ANO1: variants seen among roughly 807,000 people sequenced by gnomAD.
The protein encoded by ANO1 is anoctamin-1.
A neutral mutation model predicts 124.0 loss-of-function variants in ANO1; 59 were observed. The observed-to-expected ratio is 0.48, with a 90% CI of 0.39 to 0.59. The LOEUF is 0.59. ANO1 is among the 20% of genes least tolerant of loss of function. ANO1 has a pLI of 0.00. For synonymous variants in ANO1, 529 were observed against 532.0 expected (o/e 0.99, Z 0.08); for missense variants, 1,059 against 1,328.0 (o/e 0.80, Z 3.15).
intron 1 of ANO1, chr11:70,072,767 A>T (rs1035712687): frequency 2.6e-5 from 4 of 152,374 alleles, no homozygotes; most frequent in Non-Finnish European, 5.9e-5. Flanking sequence ...AGGTACAGGG[A>T]TGAGTCTGTG....
chr11:70,157,121 C>T (rs1341801506), intron 16 of ANO1, 100 bp downstream of exon 16: 3 of 1,087,774 alleles, frequency 2.8e-6, no homozygotes, highest in African/African-American at 3.1e-5. Context: ...AATCCCAGCA[C>T]TTTGGGAGGC....
At chr11:70,118,335 A>G (rs1385984511) in intron 8 of ANO1, among the ~76,000 whole-genome samples, 1 of 151,844 alleles carries the variant, frequency 6.6e-6, no homozygotes, top group Non-Finnish European at 1.5e-5. Flanking sequence ...ACTGGGCACT[A>G]CTCTGTGCCA....
intron 10 of ANO1, among the ~76,000 whole-genome samples, chr11:70,131,284 G>A (rs1046965738): frequency 8.6e-5 from 13 of 151,988 alleles, no homozygotes; most frequent in African/African-American, 3.1e-4. Context: ...GAAAATGCAG[G>A]TCTTTAGTTC....
At chr11:69,993,680 G>A (rs1443938393) in intron 1 of ANO1, among the ~76,000 whole-genome samples, 1 of 152,196 alleles carries the variant, frequency 6.6e-6, no homozygotes, top group Non-Finnish European at 1.5e-5. Context: ...ACCTGGTGCA[G>A]CTGGCGCCCC....
intron 2 of ANO1, among the ~76,000 whole-genome samples, chr11:70,099,785 C>T (rs2045185247): frequency 6.6e-6 from 1 of 152,190 alleles, no homozygotes; most frequent in African/African-American, 2.4e-5. Context: ...TTGTGATACC[C>T]AGTTTGCGAT....
upstream of ANO1, among the ~76,000 whole-genome samples, chr11:69,983,360 A>AT (rs1405966145): frequency 4.6e-5 from 7 of 151,912 alleles, no homozygotes. Flanking sequence ...AAGGGAAACC[A>AT]TTTTTCTGTA....
Position 70,038,562 on chromosome 11 carries a change from C to T in ANO1, c.59-39980C>T, listed in dbSNP as rs766616831. Reference sequence around the variant, plus strand: ...ATTTTGCGACACCGAGCACCCATTTCCAACAATTTGGTGGGCCATACAGGG... The same window carrying T: ...ATTTTGCGACACCGAGCACCCATTTTCAACAATTTGGTGGGCCATACAGGG... On this transcript the variant is annotated intron_variant, in intron 1 of 27. Transcript: ENST00000531349. Among the ~76,000 whole-genome samples, 6 of 152,244 alleles carry T rather than the reference C, an allele frequency of 3.9e-5. No homozygotes were observed. In the Middle Eastern group the frequency reaches 0.014, roughly 345 times the overall value.
intron 1 of ANO1, among the ~76,000 whole-genome samples, chr11:70,004,107 C>T (rs10899056): frequency 5.1e-4 from 78 of 151,994 alleles, no homozygotes; most frequent in South Asian, 1.2e-3. Context: ...GCTCCTTCAG[C>T]GGCCCCCAAA....
intron 1 of ANO1, among the ~76,000 whole-genome samples, chr11:70,047,093 A>AG (rs1565168196): frequency 2.1e-5 from 1 of 47,608 alleles, no homozygotes; most frequent in African/African-American, 5.3e-5. Flanking sequence ...AAAAAAAAAA[A>AG]AAAAGAAAAA....
chr11:70,073,423 CTT>C (rs2044010079), upstream of ANO1, among the ~76,000 whole-genome samples: 2 of 152,188 alleles, frequency 1.3e-5, no homozygotes, highest in Admixed American at 1.3e-4. Flanking sequence ...AACCGCGCGA[CTT>C]AACATTTGTA....
intron 1 of ANO1, among the ~76,000 whole-genome samples, chr11:70,057,028 T>C (rs1857451998): frequency 6.6e-6 from 1 of 151,434 alleles, no homozygotes; most frequent in African/African-American, 2.5e-5. Context: ...CCATTTACTG[T>C]ATTCATCATA....
intron 22 of ANO1, among the ~76,000 whole-genome samples, chr11:70,179,240 A>G (rs2048846927): frequency 6.6e-6 from 1 of 152,220 alleles, no homozygotes; most frequent in Non-Finnish European, 1.5e-5. Flanking sequence ...TCCCAGCCGA[A>G]CCGCTGCACA....
the ANO1 span, among the ~76,000 whole-genome samples, chr11:69,979,802 G>T: frequency 6.6e-6 from 1 of 152,168 alleles, no homozygotes; most frequent in Non-Finnish European, 1.5e-5. Flanking sequence ...ATTGCAACAC[G>T]TGGTGAGAAC....
intron 8 of ANO1, among the ~76,000 whole-genome samples, chr11:70,121,766 CTCTG>C (rs1308862985): frequency 3.5e-5 from 5 of 144,064 alleles, no homozygotes; most frequent in African/African-American, 1.3e-4. Context: ...TCCCCCACCT[CTCTG>C]TCTGTCTCTC....
At chr11:70,155,505 G>A (rs2047773454) in intron 14 of ANO1, among the ~76,000 whole-genome samples, 1 of 152,202 alleles carries the variant, frequency 6.6e-6, no homozygotes, top group Non-Finnish European at 1.5e-5. Context: ...TTTATGGAAA[G>A]AGACCCACCA....
chr11:70,007,236 A>T (rs1217571998), intron 1 of ANO1, among the ~76,000 whole-genome samples: 2 of 150,208 alleles, frequency 1.3e-5, no homozygotes, highest in Non-Finnish European at 3.0e-5. Context: ...CTCAAAGTTC[A>T]TTCAACTGGT....
upstream of ANO1, among the ~76,000 whole-genome samples, chr11:69,980,992 C>T (rs1855955340): frequency 6.6e-6 from 1 of 152,170 alleles, no homozygotes; most frequent in Admixed American, 6.6e-5. Context: ...GTGGAGGTTG[C>T]AGTGAGCCAA....
intron 1 of ANO1, among the ~76,000 whole-genome samples, chr11:70,018,620 C>G (rs1555002277): frequency 1.3e-5 from 2 of 152,192 alleles, no homozygotes; most frequent in African/African-American, 4.8e-5. Context: ...CCCCTCCCAA[C>G]CTGGCTTGGA....
chr11:70,027,400 C>T (rs985182009), intron 1 of ANO1, among the ~76,000 whole-genome samples: 2 of 152,168 alleles, frequency 1.3e-5, no homozygotes, highest in African/African-American at 4.8e-5. Context: ...AAGTGAAAAA[C>T]AGAATGTTTG....
Sources: gnomAD v4.1 joint callset for allele counts (sites outside exome capture counted in the v4.1 genomes callset) on GRCh38, gnomAD v4.1.1 for gene constraint, MANE v1.5 for transcripts, NCBI Gene and HGNC (gene_info 2026-07-23, HGNC 2026-07-21) for gene names.